TBCA: variants seen among roughly 807,000 people sequenced by gnomAD.
TBCA encodes tubulin folding cofactor A, also known as tubulin-specific chaperone A.
Under a neutral mutation model 15.8 loss-of-function variants are expected in TBCA, and 6 were observed. The observed-to-expected ratio is 0.38, with a 90% CI of 0.21 to 0.75. The LOEUF is 0.75. TBCA is among the 30% of genes least tolerant of loss of function. The probability of loss-of-function intolerance (pLI) is 0.46; values close to 1 mark genes in which losing one functional copy is unlikely to be tolerated. For missense variants in TBCA, 90 were observed against 131.2 expected, an observed-to-expected ratio of 0.69 and a Z score of 1.53; for synonymous variants, 32 against 42.3, an observed-to-expected ratio of 0.76 and a Z score of 0.94.
intron 1 of TBCA, among the ~76,000 whole-genome samples, chr5:77,715,944 T>C (rs975677258): frequency 3.9e-5 from 6 of 152,170 alleles, no homozygotes; most frequent in Non-Finnish European, 8.8e-5. Flanking sequence ...AACTCTCCTG[T>C]CTCTGAATAA....
chr5:77,694,870 CT>C (rs1745840183), intron 2 of TBCA, among the ~76,000 whole-genome samples: 1 of 152,148 alleles, frequency 6.6e-6, no homozygotes, highest in Non-Finnish European at 1.5e-5. Context: ...ACTTAAACCT[CT>C]TTTACTAATA....
chr5:77,746,528 CTT>C (rs1334291235), intron 1 of TBCA, among the ~76,000 whole-genome samples: 1 of 152,164 alleles, frequency 6.6e-6, no homozygotes, highest in Non-Finnish European at 1.5e-5. Flanking sequence ...GAATCACTAA[CTT>C]TTAGCAATAA....
intron 2 of TBCA, among the ~76,000 whole-genome samples, chr5:77,705,384 T>C (rs1746127910): frequency 1.3e-5 from 2 of 152,214 alleles, no homozygotes; most frequent in South Asian, 4.1e-4. Flanking sequence ...AATAAAGTTA[T>C]ATACTGTGTC....
intron 2 of TBCA, among the ~76,000 whole-genome samples, chr5:77,702,087 T>C (rs376301598): frequency 1.0e-3 from 152 of 152,080 alleles, no homozygotes; most frequent in African/African-American, 3.4e-3. Flanking sequence ...TCAGGTACAG[T>C]GTACACTGCT....
chr5:77,710,027 A>G (rs939907482), intron 1 of TBCA, among the ~76,000 whole-genome samples: 1 of 152,238 alleles, frequency 6.6e-6, no homozygotes, highest in Non-Finnish European at 1.5e-5. Flanking sequence ...GAAAGGTGAT[A>G]GCTAAAGGGT....
intron 1 of TBCA, among the ~76,000 whole-genome samples, chr5:77,771,498 CAA>C (rs2112521249): frequency 6.6e-6 from 1 of 152,270 alleles, no homozygotes; most frequent in South Asian, 2.1e-4. Context: ...TACAAGGTAA[CAA>C]AGTTTCTCTA....
chr5:77,774,365 TTAAC>T (rs1465275173), intron 1 of TBCA, among the ~76,000 whole-genome samples: 2 of 152,156 alleles, frequency 1.3e-5, no homozygotes, highest in Non-Finnish European at 2.9e-5. Flanking sequence ...CACTAGAAAA[TTAAC>T]TAGGAGTCTG....
chr5:77,735,264 A>T (rs1468250386), intron 1 of TBCA, among the ~76,000 whole-genome samples: 2 of 152,226 alleles, frequency 1.3e-5, no homozygotes, highest in Non-Finnish European at 2.9e-5. Flanking sequence ...TTTTACTCAG[A>T]TTGGCAAATG....
chr5:77,753,559 T>G (rs1394555566), intron 1 of TBCA, among the ~76,000 whole-genome samples: 1 of 152,224 alleles, frequency 6.6e-6, no homozygotes, highest in African/African-American at 2.4e-5. Context: ...CAGCAGGGTA[T>G]AGCTTCTGAG....
chr5:77,704,716 A>G (rs1746107225), intron 2 of TBCA, among the ~76,000 whole-genome samples: 1 of 152,216 alleles, frequency 6.6e-6, no homozygotes, highest in African/African-American at 2.4e-5. Flanking sequence ...TAAGCCAGGG[A>G]AAAGAAATTA....
intron 1 of TBCA, among the ~76,000 whole-genome samples, chr5:77,717,721 AC>A (rs1746431465): frequency 6.6e-6 from 1 of 151,916 alleles, no homozygotes; most frequent in Non-Finnish European, 1.5e-5. Flanking sequence ...AATCCCAACT[AC>A]TCGGGAGGCT....
intron 2 of TBCA, among the ~76,000 whole-genome samples, chr5:77,695,904 G>A (rs887050615): frequency 2.0e-5 from 3 of 152,106 alleles, no homozygotes; most frequent in African/African-American, 7.2e-5. Flanking sequence ...GTTTTATAGG[G>A]GGTACTTATT....
At chr5:77,763,113 G>T (rs1381767383) in intron 1 of TBCA, among the ~76,000 whole-genome samples, 3 of 152,054 alleles carry the variant, frequency 2.0e-5, no homozygotes, top group Non-Finnish European at 4.4e-5. Context: ...GCGTGATGGC[G>T]GGCGCCTGTA....
At position 77,768,580 on chromosome 5, in the gene TBCA, AAAGG is replaced by A. The variant is rs147909266; in HGVS notation, c.53+7621_53+7624del. ...ATCCGATCAGGTTCAAAATCCTTAT[AAAGG>A]AAGATTTCATTCCTTCATCTGTGTA... On this transcript the variant is annotated intron_variant, in intron 1 of 3. Coordinates refer to ENST00000380377, the MANE Select transcript of TBCA (RefSeq NM_004607.3). Among the ~76,000 whole-genome samples the A allele has an allele frequency of 1.2e-3, 185 of 152,320 alleles. 3 individuals are homozygous for A. In the East Asian group the frequency reaches 0.021, roughly 17 times the overall value.
intron 2 of TBCA, among the ~76,000 whole-genome samples, chr5:77,695,571 T>C (rs1016285673): frequency 2.0e-5 from 3 of 152,134 alleles, no homozygotes; most frequent in African/African-American, 7.2e-5. Context: ...CTTGGGACAA[T>C]GAATTCCAAC....
intron 3 of TBCA, chr5:77,693,060 C>T: frequency 7.0e-7 from 1 of 1,438,226 alleles, no homozygotes; most frequent in Non-Finnish European, 9.0e-7. Flanking sequence ...ACTGAACAAA[C>T]ATGCTAGAAA....
chr5:77,745,242 C>T (rs1332047562), intron 1 of TBCA, among the ~76,000 whole-genome samples: 1 of 152,168 alleles, frequency 6.6e-6, no homozygotes, highest in African/African-American at 2.4e-5. Flanking sequence ...TTCAATAAAA[C>T]AAGTATAAAA....
rs1802164 is a variant in TBCA, at chr5:77,693,297, T to C, written c.215A>G (p.Glu72Gly). The part of the protein sequence containing the change: ...MMIPDCQRRL[E>G]AAYLDLQRIL... ...CCGTTGAAGATCCAAATATGCGGCT[T>C]CCAACCTGCGCTGGCAATCTGGGAT... Residue 72 changes from glutamate to glycine, a missense_variant, in exon 3 of 4, where the codon GAA (glutamate) becomes GGA (glycine). Coordinates refer to ENST00000380377, the MANE Select transcript of TBCA (RefSeq NM_004607.3). 2 of 1,613,836 alleles carry C rather than the reference T, an allele frequency of 1.2e-6. No homozygotes were observed. The highest frequency in any genetic ancestry group is 1.7e-6 in the Non-Finnish European group (2 of 1,179,976).
intron 1 of TBCA, among the ~76,000 whole-genome samples, chr5:77,772,130 A>G (rs973315132): frequency 7.2e-5 from 11 of 152,072 alleles, no homozygotes; most frequent in African/African-American, 2.7e-4. Flanking sequence ...AAAAGCAAGA[A>G]CATGTCTGAA....
Sources: allele counts gnomAD v4.1 joint callset (sites outside exome capture counted in the v4.1 genomes callset), GRCh38; gene constraint gnomAD v4.1.1; transcripts MANE v1.5; gene names NCBI Gene and HGNC (gene_info 2026-07-23, HGNC 2026-07-21).